The following DMXL2 variants were observed in gnomAD, a reference collection of about 807,000 sequenced individuals.
DMXL2 encodes the protein Dmx like 2, also known as dmX-like protein 2.
In DMXL2, 103 loss-of-function variants were observed where a neutral mutation model predicts 331.1. The ratio of observed to expected loss-of-function variants is 0.31; its 90% CI spans 0.27 to 0.37. DMXL2 has a LOEUF of 0.37. DMXL2 is among the 10% of genes least tolerant of loss of function. DMXL2 has a pLI of 1.00. For missense variants in DMXL2, 3,171 were observed against 3,642.9 expected (o/e 0.87, Z 3.33); for synonymous variants, 1,281 against 1,252.1 (o/e 1.02, Z -0.49).
chr15:51,547,531 A>G (rs1253646471), intron 6 of DMXL2, 123 bp from the exon 7 acceptor site: 1 of 552,800 alleles, frequency 1.8e-6, no homozygotes, highest in Non-Finnish European at 2.9e-6. Context: ...TATACATAAT[A>G]CAAAACTTAT....
intron 34 of DMXL2, 99 bp from the exon 35 acceptor site, chr15:51,458,894 T>TAGCAGC (rs3830518): frequency 2.6e-5 from 20 of 772,666 alleles, no homozygotes; most frequent in South Asian, 1.7e-4. Context: ...GAAGAAAATG[T>TAGCAGC]AGCAGCAGCA....
Position 51,537,588 on chromosome 15 carries a change from G to C in DMXL2, c.1517C>G (p.Pro506Arg). 3 of 1,613,822 alleles carry C rather than the reference G, an allele frequency of 1.9e-6. No individual in the cohort carries two copies. In the South Asian group the frequency reaches 3.3e-5, roughly 18 times the overall value. The change falls in exon 11 of 44, where the codon CCT (proline) becomes CGT (arginine). Residue 506 changes from proline to arginine, a missense_variant. Transcript: ENST00000560891. ...AGGGTGTATTGTAAAAAGCATATCA[G>C]GATTCTTATTCCATTCAGTTAGCAG... Reference protein sequence around the residue: ...ETLLTEWNKNPDMLFTIHPVD... With the variant: ...ETLLTEWNKNRDMLFTIHPVD...
At chr15:51,550,681 A>C (rs1388684526) in intron 6 of DMXL2, among the ~76,000 whole-genome samples, 1 of 152,198 alleles carries the variant, frequency 6.6e-6, no homozygotes, top group African/African-American at 2.4e-5. Flanking sequence ...TTATTTTTTA[A>C]AATGTTCCAA....
At chr15:51,533,149 C>T (rs2048099614) in intron 13 of DMXL2, among the ~76,000 whole-genome samples, 2 of 152,026 alleles carry the variant, frequency 1.3e-5, no homozygotes, top group South Asian at 2.1e-4. Flanking sequence ...ATGCTGAAGA[C>T]CACAGGAGAG....
chr15:51,540,622 T>C (rs758958175), intron 9 of DMXL2, among the ~76,000 whole-genome samples: 16 of 151,994 alleles, frequency 1.1e-4, no homozygotes, highest in Non-Finnish European at 2.1e-4. Flanking sequence ...TCAACTTTCT[T>C]GTAGTTTCAA....
At chr15:51,534,271 G>C (rs1033416621) in intron 13 of DMXL2, among the ~76,000 whole-genome samples, 12 of 152,168 alleles carry the variant, frequency 7.9e-5, no homozygotes, top group Admixed American at 6.6e-4. Flanking sequence ...AGAGTAACCA[G>C]GGTCAAATGT....
rs773077978 is a variant in DMXL2, at chr15:51,537,753, G to A, written c.1352C>T (p.Ser451Phe). The change falls in exon 11 of 44, where the codon TCC becomes TTC. Residue 451 changes from serine to phenylalanine, a missense_variant. By Grantham distance (155) the Ser-to-Phe change is radical. This residue lies in a region of DMXL2 where 1,674 missense variants were observed against 1,780.2 expected (regional missense o/e 0.94). Transcript: ENST00000560891. ...GLHMKLDHDL[S>F]LDRESEAGTG... ...ACCTGCCTCAGATTCTCTATCCAGG[G>A]ATAAATCTGAACCAGAAAATATATT... 1 of 1,610,754 alleles carries A rather than the reference G, an allele frequency of 6.2e-7. No individual in the cohort carries two copies. The highest frequency in any genetic ancestry group is 8.5e-7 in the Non-Finnish European group (1 of 1,178,100).
At chr15:51,460,712 T>TA (rs535940229) in intron 33 of DMXL2, 60 of 152,358 alleles carry the variant, frequency 3.9e-4, no homozygotes, top group African/African-American at 1.4e-3. Flanking sequence ...TTTAAAGATG[T>TA]AAGCACTCTT....
rs190392072 is a variant in DMXL2, at chr15:51,448,811, T to A, written c.*173A>T. The A allele has an allele frequency of 2.2e-4, 141 of 646,030 alleles. No individual in the cohort carries two copies. The highest frequency in any genetic ancestry group is 2.1e-3 in the African/African-American group (116 of 54,824). 40.0% of individuals were successfully genotyped at this position (646,030 alleles called of 1,614,324 possible). ...TTTTTAGTATGTCAGCATAATAAGG[T>A]ACATGCGCATTCATTCCACCAACCT... On this transcript the variant is annotated 3_prime_UTR_variant, in exon 44 of 44. Coordinates refer to ENST00000560891, the MANE Select transcript of DMXL2 (RefSeq NM_001378457.1).
chr15:51,613,778 G>A (rs1446537059), intron 1 of DMXL2, among the ~76,000 whole-genome samples: 2 of 152,276 alleles, frequency 1.3e-5, no homozygotes, highest in South Asian at 4.1e-4. Context: ...TCACAGTCAT[G>A]TTTGAATTTT....
chr15:51,478,207 TA>T, intron 26 of DMXL2, 63 bp downstream of exon 26: 3 of 1,367,640 alleles, frequency 2.2e-6, no homozygotes, highest in Non-Finnish European at 3.1e-6. Flanking sequence ...AGAAACTTAA[TA>T]TAACTCTGGA....
At chr15:51,595,589 CA>C (rs1190471897) in intron 1 of DMXL2, among the ~76,000 whole-genome samples, 1 of 152,160 alleles carries the variant, frequency 6.6e-6, no homozygotes, top group Non-Finnish European at 1.5e-5. Context: ...CATATGGAAC[CA>C]AAACAGAGCC....
At chr15:51,538,083 G>T in intron 10 of DMXL2, 130 bp downstream of exon 10, 1 of 1,200,324 alleles carries the variant, frequency 8.3e-7, no homozygotes, top group Non-Finnish European at 1.2e-6. Context: ...CAGATGGTCA[G>T]TAAATACTTG....
chr15:51,556,144 C>A (rs1367037075), intron 6 of DMXL2, among the ~76,000 whole-genome samples: 1 of 151,326 alleles, frequency 6.6e-6, no homozygotes, highest in African/African-American at 2.4e-5. Flanking sequence ...GAGATCGAGA[C>A]CATCCTGGCT....
chr15:51,620,287 T>G (rs1017675795), intron 1 of DMXL2, among the ~76,000 whole-genome samples: 2 of 152,172 alleles, frequency 1.3e-5, no homozygotes, highest in African/African-American at 4.8e-5. Flanking sequence ...AATGAGATGG[T>G]GTGCAAAATG....
rs761137297 is a variant in DMXL2 at position 51,450,158 on chromosome 15, T to TA, written c.8937dup (p.Thr2980TyrfsTer8). 1 of 1,613,850 alleles carries TA rather than the reference T, an allele frequency of 6.2e-7. No individual in the cohort carries two copies. The highest frequency in any genetic ancestry group is 1.1e-5 in the South Asian group (1 of 91,036). On this transcript the variant is annotated frameshift_variant, in exon 43 of 44. Coordinates refer to ENST00000560891, the MANE Select transcript of DMXL2 (RefSeq NM_001378457.1). LOFTEE classifies it high-confidence loss of function. The stretch of plus-strand genomic sequence containing the variant: ...ATGTTACCTTCTGCTGAACCTGTGG[T>TA]AAAATATTCCTCATAGGGATCCAAG...
chr15:51,571,082 T>C (rs368402383), intron 2 of DMXL2, among the ~76,000 whole-genome samples: 25 of 151,656 alleles, frequency 1.6e-4, no homozygotes, highest in African/African-American at 6.1e-4. Context: ...AATAAAGGGA[T>C]AGAGGAAGAT....
chr15:51,506,450 C>CTTT (rs531570148), intron 16 of DMXL2, among the ~76,000 whole-genome samples: 33 of 121,968 alleles, frequency 2.7e-4, no homozygotes, highest in Non-Finnish European at 3.6e-4. Flanking sequence ...AGCAATTCTG[C>CTTT]TTTTTTTTTT....
intron 20 of DMXL2, among the ~76,000 whole-genome samples, chr15:51,490,317 C>A (rs981607652): frequency 6.6e-6 from 1 of 152,170 alleles, no homozygotes; most frequent in South Asian, 2.1e-4. Context: ...AAATTAAAAT[C>A]TCTGGTTATG....
Sources: allele counts gnomAD v4.1 joint callset (sites outside exome capture counted in the v4.1 genomes callset), GRCh38; gene constraint gnomAD v4.1.1; regional missense constraint gnomAD v4.1.1; transcripts MANE v1.5; gene names NCBI Gene and HGNC (gene_info 2026-07-23, HGNC 2026-07-21).